The following LRMDA variants were observed in gnomAD, a reference collection of about 807,000 sequenced individuals.
LRMDA encodes leucine-rich melanocyte differentiation-associated protein.
A neutral mutation model predicts 29.8 loss-of-function variants in LRMDA; 18 were observed. That is an observed-to-expected ratio of 0.60 (90% CI 0.42 to 0.90). The LOEUF is 0.90. LRMDA is among the 40% of genes least tolerant of loss of function. The pLI is 0.00. For synonymous variants in LRMDA, 125 were observed against 109.4 expected, an observed-to-expected ratio of 1.14 and a Z score of -0.89; for missense variants, 273 against 273.9, an observed-to-expected ratio of 1.00 and a Z score of 0.02.
intron 5 of LRMDA, among the ~76,000 whole-genome samples, chr10:76,268,084 T>C (rs1160174616): frequency 1.3e-5 from 2 of 152,168 alleles, no homozygotes; most frequent in African/African-American, 4.8e-5. Context: ...GGGCTGTGTG[T>C]CAGAACATAC....
At chr10:75,793,682 T>C (rs778365047) in intron 2 of LRMDA, among the ~76,000 whole-genome samples, 17 of 152,196 alleles carry the variant, frequency 1.1e-4, no homozygotes, top group Non-Finnish European at 2.5e-4. Flanking sequence ...GAGTTGTTGC[T>C]GAAAGATCTT....
chr10:75,631,124 A>G (rs1312259007), intron 2 of LRMDA, among the ~76,000 whole-genome samples: 1 of 152,080 alleles, frequency 6.6e-6, no homozygotes, highest in Non-Finnish European at 1.5e-5. Flanking sequence ...TCTTCTTAGG[A>G]AGGAAATTTC....
chr10:75,838,226 C>T (rs1187840825), intron 2 of LRMDA, among the ~76,000 whole-genome samples: 4 of 152,092 alleles, frequency 2.6e-5, no homozygotes, highest in Admixed American at 2.6e-4. Flanking sequence ...ATGATTATTT[C>T]ATTTGTAAAG....
rs529064004 is a variant in LRMDA at position 76,367,581 on chromosome 10, T to C, written c.601+43096T>C. 3.1e-3 allele frequency among the ~76,000 whole-genome samples: 473 copies of C among 152,040 alleles called. 4 individuals are homozygous for C. Among genetic ancestry groups the C allele is most frequent in the African/African-American group, 0.011 (443 of 41,504 alleles). On this transcript the variant is annotated intron_variant, in intron 6 of 6. Coordinates refer to ENST00000611255, the MANE Select transcript of LRMDA (RefSeq NM_001305581.2). ...CTGGGATTACAGGCATGTGCCACCA[T>C]GCCCGGCTAATTTTGTATTTTTATT...
chr10:76,435,659 C>A (rs1842237531), intron 6 of LRMDA, among the ~76,000 whole-genome samples: 1 of 152,182 alleles, frequency 6.6e-6, no homozygotes, highest in African/African-American at 2.4e-5. Flanking sequence ...CATAGAATCA[C>A]CCCCGCTCAT....
At chr10:75,683,892 G>A (rs1184322079) in intron 2 of LRMDA, among the ~76,000 whole-genome samples, 1 of 152,228 alleles carries the variant, frequency 6.6e-6, no homozygotes, top group South Asian at 2.1e-4. Flanking sequence ...AGCTGCCTCT[G>A]ACTAGGTCTA....
Position 76,259,115 on chromosome 10 carries a change from C to T in LRMDA, c.517-65286C>T, listed in dbSNP as rs543438894. 5.9e-5 allele frequency among the ~76,000 whole-genome samples: 9 copies of T among 152,224 alleles called. No individual in the cohort carries two copies. The South Asian group carries it at 1.9e-3, about 32-fold the overall frequency. ...AAGAGTTCCTTTTTTTCTCTATCCTCACCAACATTTGTTATTTTTTATCTT... is the reference window on the plus strand; with the variant it reads ...AAGAGTTCCTTTTTTTCTCTATCCTTACCAACATTTGTTATTTTTTATCTT... On this transcript the variant is annotated intron_variant, in intron 5 of 6. Transcript: ENST00000611255.
At chr10:75,535,860 A>G (rs1045257050) in intron 2 of LRMDA, among the ~76,000 whole-genome samples, 1 of 152,112 alleles carries the variant, frequency 6.6e-6, no homozygotes, top group African/African-American at 2.4e-5. Context: ...AGTGTGGTCT[A>G]CTGGAAAGTG....
intron 5 of LRMDA, among the ~76,000 whole-genome samples, chr10:76,162,434 T>A (rs1850663912): frequency 6.6e-6 from 1 of 152,150 alleles, no homozygotes; most frequent in Non-Finnish European, 1.5e-5. Flanking sequence ...CTGGAGACTG[T>A]CTAATTTACG....
rs1028519387 is a variant in LRMDA at position 76,025,080 on chromosome 10, T to C, written c.132-10928T>C. Among the ~76,000 whole-genome samples, 17 of 151,780 alleles carry C rather than the reference T, an allele frequency of 1.1e-4. No homozygotes were observed. The East Asian group carries it at 3.1e-3, about 28-fold the overall frequency. On this transcript the variant is annotated intron_variant, in intron 2 of 6. Transcript: ENST00000611255. The stretch of plus-strand genomic sequence containing the variant: ...TTTAGACTCTTAAAAACAAACAAGA[T>C]CCCGAGGCCACAGGCTCCATGCGTG...
At chr10:75,930,532 G>GTGA (rs1846189909) in intron 2 of LRMDA, among the ~76,000 whole-genome samples, 1 of 152,158 alleles carries the variant, frequency 6.6e-6, no homozygotes, top group Admixed American at 6.5e-5. Context: ...TTCGATGATG[G>GTGA]TGATGATCAT....
chr10:76,214,597 G>A (rs150545467), intron 5 of LRMDA, among the ~76,000 whole-genome samples: 1,898 of 152,146 alleles, frequency 0.012, 47 homozygotes, highest in African/African-American at 0.041. Flanking sequence ...ACCCACCTCG[G>A]CCTCCCAAAG....
At chr10:76,454,389 G>A (rs1007423012) in intron 6 of LRMDA, among the ~76,000 whole-genome samples, 4 of 152,102 alleles carry the variant, frequency 2.6e-5, no homozygotes, top group Admixed American at 2.6e-4. Context: ...GTTTAATGCA[G>A]ACTCCCTAAA....
chr10:76,521,033 T>C (rs754495103), intron 6 of LRMDA, among the ~76,000 whole-genome samples: 7 of 152,196 alleles, frequency 4.6e-5, no homozygotes, highest in Non-Finnish European at 8.8e-5. Flanking sequence ...GTATTTCATA[T>C]GAATACATAG....
intron 5 of LRMDA, among the ~76,000 whole-genome samples, chr10:76,230,295 A>G (rs1852034306): frequency 6.6e-6 from 1 of 152,190 alleles, no homozygotes; most frequent in South Asian, 2.1e-4. Context: ...AGTAGTTTTA[A>G]ATCAAATTAC....
chr10:75,702,186 A>C lies in LRMDA; in HGVS notation c.131+263692A>C, dbSNP rs1842316013. On this transcript the variant is annotated intron_variant, in intron 2 of 6. Transcript: ENST00000611255. The stretch of plus-strand genomic sequence containing the variant: ...TGCGATGTGCTCCCAGAGCATCTTG[A>C]ATGTCTACTCTCGTCACAGTCATTT... Among the ~76,000 whole-genome samples, 3 of 152,164 alleles carry C rather than the reference A, an allele frequency of 2.0e-5. No individual in the cohort carries two copies. The South Asian group carries it at 6.2e-4, about 32-fold the overall frequency.
At chr10:76,084,158 T>TA (rs1849094959) in intron 5 of LRMDA, among the ~76,000 whole-genome samples, 1 of 151,912 alleles carries the variant, frequency 6.6e-6, no homozygotes, top group Non-Finnish European at 1.5e-5. Flanking sequence ...CTTGGCTCAG[T>TA]AGGAATATTA....
At chr10:76,222,301 G>A (rs1449799084) in intron 5 of LRMDA, among the ~76,000 whole-genome samples, 3 of 152,240 alleles carry the variant, frequency 2.0e-5, no homozygotes, top group South Asian at 2.1e-4. Context: ...CTTCTGCACA[G>A]CAAAAGAAAC....
chr10:76,083,534 A>G lies in LRMDA; in HGVS notation c.516+24751A>G, dbSNP rs576011393. On this transcript the variant is annotated intron_variant, in intron 5 of 6. Transcript: ENST00000611255. ...TAATTTTATAACATAGGTATAAAAT[A>G]AAGTCACTTCATGGCTTGGCACAGT... 2.0e-5 allele frequency among the ~76,000 whole-genome samples: 3 copies of G among 152,328 alleles called. No individual in the cohort carries two copies. In the East Asian group the frequency reaches 5.8e-4, roughly 29 times the overall value.
Sources: gnomAD v4.1 joint callset for allele counts (sites outside exome capture counted in the v4.1 genomes callset) on GRCh38, gnomAD v4.1.1 for gene constraint, MANE v1.5 for transcripts, NCBI Gene and HGNC (gene_info 2026-07-23, HGNC 2026-07-21) for gene names.